DLG2: variants seen among roughly 807,000 people sequenced by gnomAD.
DLG2 encodes discs large MAGUK scaffold protein 2.
A neutral mutation model predicts 132.5 loss-of-function variants in DLG2; 45 were observed. That is an observed-to-expected ratio of 0.34 (90% CI 0.27 to 0.44). The LOEUF is 0.44. Ranked by LOEUF, DLG2 falls within the 20% of genes least tolerant of loss-of-function variation. The pLI is 1.00. For missense variants in DLG2, 1,045 were observed against 1,196.9 expected, an observed-to-expected ratio of 0.87 and a Z score of 1.87; for synonymous variants, 424 against 419.6, an observed-to-expected ratio of 1.01 and a Z score of -0.13.
chr11:83,577,241 C>T (rs919074319), intron 19 of DLG2, among the ~76,000 whole-genome samples: 1 of 151,828 alleles, frequency 6.6e-6, no homozygotes, highest in East Asian at 1.9e-4. Context: ...CCTTGCTCCT[C>T]AGCTTGCAGA....
intron 7 of DLG2, among the ~76,000 whole-genome samples, chr11:84,307,534 A>G (rs1264635202): frequency 6.6e-6 from 1 of 151,990 alleles, no homozygotes; most frequent in Non-Finnish European, 1.5e-5. Context: ...GTCTCTACTA[A>G]AACTACAAAA....
intron 15 of DLG2, among the ~76,000 whole-genome samples, chr11:83,875,088 G>A (rs1008804461): frequency 4.6e-5 from 7 of 152,022 alleles, no homozygotes; most frequent in South Asian, 4.1e-4. Context: ...TAGTATAGAT[G>A]TATTTATTAG....
intron 7 of DLG2, among the ~76,000 whole-genome samples, chr11:84,519,721 A>G (rs1038528695): frequency 6.6e-6 from 1 of 152,178 alleles, no homozygotes; most frequent in Non-Finnish European, 1.5e-5. Context: ...ATTCTCAAGG[A>G]CAAGCATTCC....
At chr11:83,645,046 C>T (rs1292685891) in intron 18 of DLG2, among the ~76,000 whole-genome samples, 1 of 152,024 alleles carries the variant, frequency 6.6e-6, no homozygotes, top group East Asian at 1.9e-4. Flanking sequence ...GCATCTCTTT[C>T]ACTGGTTGGG....
intron 6 of DLG2, among the ~76,000 whole-genome samples, chr11:84,542,898 CT>C (rs1179989638): frequency 7.6e-6 from 1 of 131,330 alleles, no homozygotes; most frequent in Admixed American, 7.5e-5. Flanking sequence ...TGTTTAAACA[CT>C]TTGACATTTA....
intron 18 of DLG2, among the ~76,000 whole-genome samples, chr11:83,777,489 T>C (rs79644883): frequency 6.6e-6 from 1 of 152,332 alleles, no homozygotes; most frequent in Non-Finnish European, 1.5e-5. Context: ...CTGAAATTGA[T>C]TTTTTACATT....
chr11:83,679,346 G>A (rs911262770), intron 18 of DLG2, among the ~76,000 whole-genome samples: 4 of 152,056 alleles, frequency 2.6e-5, no homozygotes, highest in African/African-American at 9.7e-5. Context: ...ACAATGTTAG[G>A]GCTGGAATTC....
At chr11:83,905,812 C>T (rs774066423) in intron 15 of DLG2, among the ~76,000 whole-genome samples, 1 of 152,044 alleles carries the variant, frequency 6.6e-6, no homozygotes, top group African/African-American at 2.4e-5. Flanking sequence ...TTGACGTAAG[C>T]CATTTGTACA....
intron 3 of DLG2, among the ~76,000 whole-genome samples, chr11:85,331,874 CATCTAGGTTA>C (rs2081778138): frequency 6.6e-6 from 1 of 152,152 alleles, no homozygotes; most frequent in African/African-American, 2.4e-5. Context: ...CACTGATGGG[CATCTAGGTTA>C]ATTCCATGTC....
At chr11:84,823,068 C>G (rs1401278130) in intron 6 of DLG2, among the ~76,000 whole-genome samples, 1 of 151,738 alleles carries the variant, frequency 6.6e-6, no homozygotes, top group Non-Finnish European at 1.5e-5. Context: ...TGTAAAACAT[C>G]TTTTTAGCAT....
intron 3 of DLG2, among the ~76,000 whole-genome samples, chr11:85,289,897 A>G (rs1440051275): frequency 6.6e-6 from 1 of 152,074 alleles, no homozygotes; most frequent in Non-Finnish European, 1.5e-5. Flanking sequence ...TCAAATAGTT[A>G]TTTCTCTTTC....
intron 10 of DLG2, among the ~76,000 whole-genome samples, chr11:84,074,264 T>C (rs1011000234): frequency 5.9e-5 from 9 of 152,222 alleles, no homozygotes; most frequent in Admixed American, 4.6e-4. Context: ...ACATTCAGTT[T>C]TTTTGTTATC....
rs185371059 is a variant in DLG2 at position 85,464,023 on chromosome 11, C to T, written c.40+134634G>A. 7.9e-3 allele frequency among the ~76,000 whole-genome samples: 211 copies of T among 26,852 alleles called. 2 individuals are homozygous for T. Among genetic ancestry groups the T allele is most frequent in the African/African-American group, 0.021 (191 of 9,182 alleles). The allele number at this position is 26,852 out of a possible 152,430, so 17.6% of individuals were successfully genotyped here. On this transcript the variant is annotated intron_variant, in intron 3 of 27. Coordinates refer to ENST00000376104, the MANE Select transcript of DLG2 (RefSeq NM_001142699.3). ...ACACACATACACACACACACACACA[C>T]GCCCCCCGAGAGAGAGAGATTGAAA...
intron 3 of DLG2, among the ~76,000 whole-genome samples, chr11:85,592,630 GA>G (rs976959999): frequency 1.3e-5 from 2 of 152,004 alleles, no homozygotes; most frequent in African/African-American, 2.4e-5. Context: ...TATCCAAAGA[GA>G]AAAAAATCCC....
At chr11:84,641,730 G>A (rs1050331834) in intron 6 of DLG2, among the ~76,000 whole-genome samples, 3 of 152,048 alleles carry the variant, frequency 2.0e-5, no homozygotes, top group African/African-American at 7.2e-5. Flanking sequence ...ATCTTGCTGT[G>A]CATAATAACA....
intron 6 of DLG2, among the ~76,000 whole-genome samples, chr11:84,955,999 G>A (rs1158619315): frequency 6.6e-6 from 1 of 152,158 alleles, no homozygotes; most frequent in East Asian, 1.9e-4. Flanking sequence ...ATAATGGGAA[G>A]CACTGCATGT....
chr11:85,383,229 C>T (rs943815904), intron 3 of DLG2, among the ~76,000 whole-genome samples: 1 of 152,074 alleles, frequency 6.6e-6, no homozygotes, highest in Non-Finnish European at 1.5e-5. Flanking sequence ...TCATAAAAGG[C>T]TACATGTTGT....
chr11:84,480,348 G>A (rs1313393407), intron 7 of DLG2, among the ~76,000 whole-genome samples: 2 of 152,066 alleles, frequency 1.3e-5, no homozygotes, highest in Admixed American at 6.6e-5. Flanking sequence ...AATCCCCCAC[G>A]TTTTAGGGAT....
intron 16 of DLG2, among the ~76,000 whole-genome samples, chr11:83,856,387 A>G (rs1447863813): frequency 1.3e-5 from 2 of 152,166 alleles, no homozygotes; most frequent in Non-Finnish European, 2.9e-5. Context: ...TTCTGACTCT[A>G]GGTCTCTGAG....
Sources: gnomAD v4.1 joint callset for allele counts (sites outside exome capture counted in the v4.1 genomes callset) on GRCh38, gnomAD v4.1.1 for gene constraint, MANE v1.5 for transcripts, NCBI Gene and HGNC (gene_info 2026-07-23, HGNC 2026-07-21) for gene names.